Variants in IFIH1 observed in about 807,000 individuals in gnomAD.
The protein encoded by IFIH1 is interferon-induced helicase C domain-containing protein 1.
In IFIH1, 125 loss-of-function variants were observed where a neutral mutation model predicts 107.4. The observed-to-expected ratio is 1.16, with a 90% CI of 1.01 to 1.35. The LOEUF (loss-of-function observed/expected upper bound fraction) is 1.35, where lower values mean the gene tolerates loss of function less well. Among genes scored for constraint, IFIH1 ranks in the 40% most tolerant of loss-of-function variants. IFIH1 has a pLI of 0.00. For missense variants in IFIH1, 1,333 were observed against 1,213.7 expected (o/e 1.10, Z -1.46); for synonymous variants, 458 against 413.2 (o/e 1.11, Z -1.31).
chr2:162,286,567 C>T (rs1682896566), intron 5 of IFIH1, among the ~76,000 whole-genome samples: 1 of 151,752 alleles, frequency 6.6e-6, no homozygotes. Flanking sequence ...GGTGTGGGGG[C>T]TGCATGCTTT....
intron 1 of IFIH1, 95 bp from the exon 2 acceptor site, chr2:162,311,028 A>C (rs528157274): frequency 4.7e-6 from 4 of 854,110 alleles, no homozygotes; most frequent in Non-Finnish European, 7.1e-6. Flanking sequence ...GCAATTAAGC[A>C]TAAGTATAAA....
rs1343602563 is a variant in IFIH1 at position 162,276,716 on chromosome 2, G to A, written c.2275C>T (p.His759Tyr). The A allele has an allele frequency of 6.2e-7, 1 of 1,613,956 alleles. No individual in the cohort carries two copies. The highest frequency in any genetic ancestry group is 8.5e-7 in the Non-Finnish European group (1 of 1,179,904). ...VKAHHLIGAG[H>Y]SSEFKPMTQN... ...GTCATGGGTTTGAACTCACTGCTGT[G>A]TCCAGCTCCAATCAGATGGTGGGCT... Residue 759 changes from histidine to tyrosine, a missense_variant, in exon 11 of 16, where the codon CAC (histidine) becomes TAC (tyrosine). By Grantham distance (83) the His-to-Tyr change is moderately conservative. Coordinates refer to ENST00000649979, the MANE Select transcript of IFIH1 (RefSeq NM_022168.4).
intron 5 of IFIH1, among the ~76,000 whole-genome samples, chr2:162,284,758 A>G (rs1361486072): frequency 6.6e-6 from 1 of 152,020 alleles, no homozygotes; most frequent in African/African-American, 2.4e-5. Context: ...TAATTATCAT[A>G]TTATCAACAT....
chr2:162,316,863 T>C (rs1683495164), intron 1 of IFIH1, among the ~76,000 whole-genome samples: 1 of 152,228 alleles, frequency 6.6e-6, no homozygotes, highest in Non-Finnish European at 1.5e-5. Context: ...CAATGTAAAG[T>C]CATCAGTAAA....
intron 1 of IFIH1, among the ~76,000 whole-genome samples, chr2:162,315,618 A>T (rs1683477760): frequency 6.6e-6 from 1 of 152,214 alleles, no homozygotes; most frequent in Non-Finnish European, 1.5e-5. Flanking sequence ...CCATTTTCAC[A>T]GGTAAATGTA....
chr2:162,313,037 G>A (rs550504272), intron 1 of IFIH1, among the ~76,000 whole-genome samples: 1 of 152,144 alleles, frequency 6.6e-6, no homozygotes, highest in South Asian at 2.1e-4. Context: ...TGCCGTTATT[G>A]AGTCCAAGCA....
At chr2:162,309,011 T>C (rs1357627110) in intron 2 of IFIH1, among the ~76,000 whole-genome samples, 1 of 152,160 alleles carries the variant, frequency 6.6e-6, no homozygotes. Context: ...AGCTACATGT[T>C]TCTTTTCCAT....
chr2:162,310,932 A>C lies in IFIH1; in HGVS notation c.455T>G (p.Ile152Ser). Residue 152 changes from isoleucine to serine, a missense_variant and splice_region_variant, in exon 2 of 16, where the codon ATT (isoleucine) becomes AGT (serine). Coordinates refer to ENST00000649979, the MANE Select transcript of IFIH1 (RefSeq NM_022168.4). The part of the protein sequence containing the change: ...ELLTIEDRNR[I>S]AAAENNGNES... ...ATTTCCATTGTTTTCTGCAGCAGCA[A>C]TCTGTTGTAAGAGAAAATTAGAATT... is the stretch of plus-strand genomic sequence containing the variant. 1 of 1,611,696 alleles carries C rather than the reference A, an allele frequency of 6.2e-7. No individual in the cohort carries two copies. Among genetic ancestry groups the C allele is most frequent in the South Asian group, 1.1e-5 (1 of 90,778 alleles).
chr2:162,296,470 G>T (rs1558872023), intron 3 of IFIH1, among the ~76,000 whole-genome samples: 1 of 152,110 alleles, frequency 6.6e-6, no homozygotes, highest in South Asian at 2.1e-4. Context: ...GGCGCTGAGA[G>T]GTTAACTGAT....
chr2:162,280,098 A>C lies in IFIH1; in HGVS notation c.1539T>G (p.Leu513=). The change falls in exon 8 of 16, where the codon CTT becomes CTG. Residue 513 remains leucine, a synonymous_variant. Transcript: ENST00000649979. ...TAACAGTTTTAATAGTAAATGCATC[A>C]AGATTGGCACATAGCTGGAAAAGAG... ...EEHILKLCAN[L]DAFTIKTVKE... 1 of 1,568,034 alleles carries C rather than the reference A, an allele frequency of 6.4e-7. No individual in the cohort carries two copies. Among genetic ancestry groups the C allele is most frequent in the Admixed American group, 1.7e-5 (1 of 59,494 alleles).
chr2:162,289,857 C>G (rs1682966152), intron 4 of IFIH1, among the ~76,000 whole-genome samples: 1 of 151,782 alleles, frequency 6.6e-6, no homozygotes. Flanking sequence ...TAAAATATAC[C>G]TTTATAAGTT....
chr2:162,294,571 T>C (rs1412502131), intron 3 of IFIH1, among the ~76,000 whole-genome samples: 1 of 151,924 alleles, frequency 6.6e-6, no homozygotes, highest in African/African-American at 2.4e-5. Context: ...GTTCCCCTTG[T>C]TTTAAAGTGA....
chr2:162,267,938 C>T (rs1310950022), intron 14 of IFIH1, 149 bp downstream of exon 14: 1 of 576,624 alleles, frequency 1.7e-6, no homozygotes, highest in Admixed American at 3.6e-5. Context: ...AAAACATAGA[C>T]ATTTAAAATA....
At chr2:162,314,416 T>TTTCTTTCTTTCTTTCTTTTC in intron 1 of IFIH1, among the ~76,000 whole-genome samples, 1 of 51,468 alleles carries the variant, frequency 1.9e-5, no homozygotes, top group South Asian at 8.1e-4. Context: ...TCTTTCTTTC[T>TTTCTTTCTTTCTTTCTTTTC]TTTCTTTCTT....
chr2:162,280,631 A>G (rs986029706), intron 7 of IFIH1, among the ~76,000 whole-genome samples: 1 of 152,082 alleles, frequency 6.6e-6, no homozygotes, highest in Non-Finnish European at 1.5e-5. Context: ...GATTGGAATT[A>G]GTCCTTAATC....
chr2:162,290,778 A>T (rs1682983243), intron 4 of IFIH1, among the ~76,000 whole-genome samples: 1 of 151,908 alleles, frequency 6.6e-6, no homozygotes, highest in Non-Finnish European at 1.5e-5. Flanking sequence ...ACAGGAAAAA[A>T]TTAGAGTTGG....
intron 3 of IFIH1, among the ~76,000 whole-genome samples, chr2:162,301,609 C>A (rs1017561915): frequency 3.3e-5 from 5 of 152,176 alleles, no homozygotes; most frequent in Admixed American, 3.3e-4. Flanking sequence ...AGTAACTATT[C>A]ACTTGTTTTG....
chr2:162,305,233 T>C (rs2105225416), intron 3 of IFIH1, among the ~76,000 whole-genome samples: 1 of 152,336 alleles, frequency 6.6e-6, no homozygotes, highest in South Asian at 2.1e-4. Flanking sequence ...TGTTTCTGTG[T>C]ATTACAGATT....
chr2:162,299,608 G>T (rs1467303696), intron 3 of IFIH1, among the ~76,000 whole-genome samples: 1 of 152,020 alleles, frequency 6.6e-6, no homozygotes, highest in African/African-American at 2.4e-5. Context: ...CAGTTCCAGC[G>T]CTCTGCTAGA....
Sources: gnomAD v4.1 joint callset for allele counts (sites outside exome capture counted in the v4.1 genomes callset) on GRCh38, gnomAD v4.1.1 for gene constraint, MANE v1.5 for transcripts, NCBI Gene and HGNC (gene_info 2026-07-23, HGNC 2026-07-21) for gene names.